CCDC91: variants seen among roughly 807,000 people sequenced by gnomAD.
CCDC91 encodes coiled-coil domain containing 91, also known as coiled-coil domain-containing protein 91.
A neutral mutation model predicts 63.2 loss-of-function variants in CCDC91; 48 were observed. That is an observed-to-expected ratio of 0.76 (90% CI 0.60 to 0.97). The LOEUF is 0.97. Among genes scored for constraint, CCDC91 ranks in the 50% least tolerant of loss-of-function variants. The pLI, the probability that CCDC91 is intolerant of heterozygous loss-of-function variation, is 0.00. For missense variants in CCDC91, 500 were observed against 494.6 expected (o/e 1.01, Z -0.10); for synonymous variants, 167 against 165.8 (o/e 1.01, Z -0.06).
At chr12:28,547,550 ATTCTAAGATCTC>A (rs1943076647) in intron 12 of CCDC91, among the ~76,000 whole-genome samples, 1 of 152,126 alleles carries the variant, frequency 6.6e-6, no homozygotes, top group Non-Finnish European at 1.5e-5. Context: ...TGGGTCTTAC[ATTCTAAGATCTC>A]TTTTGTTTAA....
At chr12:28,337,317 C>T (rs1942058082) in intron 6 of CCDC91, among the ~76,000 whole-genome samples, 1 of 152,034 alleles carries the variant, frequency 6.6e-6, no homozygotes, top group Non-Finnish European at 1.5e-5. Flanking sequence ...ATTCATACTG[C>T]TCCTATAGCA....
chr12:28,259,525 A>C, intron 3 of CCDC91, 83 bp downstream of exon 3: 1 of 840,114 alleles, frequency 1.2e-6, no homozygotes. Flanking sequence ...CCTATTTCTC[A>C]ACTTTTTTAC....
intron 11 of CCDC91, among the ~76,000 whole-genome samples, chr12:28,475,705 A>T (rs1951048287): frequency 6.6e-6 from 1 of 151,836 alleles, no homozygotes; most frequent in Non-Finnish European, 1.5e-5. Flanking sequence ...CTACCATGTT[A>T]TGATGCAGTA....
intron 12 of CCDC91, among the ~76,000 whole-genome samples, chr12:28,535,169 C>T (rs575786238): frequency 8.5e-5 from 13 of 152,132 alleles, no homozygotes; most frequent in Non-Finnish European, 1.5e-4. Flanking sequence ...TCATTTGGTA[C>T]AGCTGTCTTG....
At chr12:28,545,135 C>G (rs1231911270) in intron 12 of CCDC91, among the ~76,000 whole-genome samples, 3 of 151,764 alleles carry the variant, frequency 2.0e-5, no homozygotes, top group African/African-American at 7.3e-5. Flanking sequence ...GATTTTTAAC[C>G]CCATATCAAA....
chr12:28,345,214 T>TA (rs1300547945), intron 6 of CCDC91, among the ~76,000 whole-genome samples: 1 of 152,072 alleles, frequency 6.6e-6, no homozygotes, highest in Non-Finnish European at 1.5e-5. Context: ...ATTTTAGGTA[T>TA]ATATATACAA....
At chr12:28,471,602 G>T (rs1950816867) in intron 11 of CCDC91, among the ~76,000 whole-genome samples, 1 of 152,106 alleles carries the variant, frequency 6.6e-6, no homozygotes, top group African/African-American at 2.4e-5. Context: ...CAAGGAAGTT[G>T]TATCTCCAAG....
At chr12:28,402,514 C>T (rs1472437866) in intron 8 of CCDC91, among the ~76,000 whole-genome samples, 1 of 116,908 alleles carries the variant, frequency 8.6e-6, no homozygotes, top group Non-Finnish European at 1.7e-5. Context: ...CTTATTAGTT[C>T]CAGGAATTTT....
At chr12:28,377,833 G>A (rs2138995563) in intron 7 of CCDC91, among the ~76,000 whole-genome samples, 1 of 152,084 alleles carries the variant, frequency 6.6e-6, no homozygotes, top group East Asian at 1.9e-4. Flanking sequence ...GCTTGACTAA[G>A]TTGGTGATCT....
intron 12 of CCDC91, among the ~76,000 whole-genome samples, chr12:28,518,080 G>T (rs1286939670): frequency 2.0e-5 from 3 of 151,932 alleles, no homozygotes; most frequent in African/African-American, 7.2e-5. Flanking sequence ...ATTGTGAATT[G>T]TGCTGCTATA....
At position 28,479,140 on chromosome 12, in the gene CCDC91, G is replaced by A. The variant is rs557820203; in HGVS notation, c.1102-4912G>A. 2.0e-5 allele frequency among the ~76,000 whole-genome samples: 3 copies of A among 152,216 alleles called. No homozygotes were observed. In the South Asian group the frequency reaches 6.2e-4, roughly 32 times the overall value. On this transcript the variant is annotated intron_variant, in intron 11 of 12. Coordinates refer to ENST00000536442, the MANE Select transcript of CCDC91 (RefSeq NM_018318.5). Reference sequence around the variant, plus strand: ...ATATACCTAAAGGATTGTAAATCATGCTGCTATAAAGACACATGCACATGT... The same window carrying A: ...ATATACCTAAAGGATTGTAAATCATACTGCTATAAAGACACATGCACATGT...
intron 12 of CCDC91, among the ~76,000 whole-genome samples, chr12:28,537,406 T>G (rs948342348): frequency 1.3e-5 from 2 of 152,220 alleles, no homozygotes; most frequent in African/African-American, 4.8e-5. Context: ...AATTTCCAAC[T>G]TTTCCATAAA....
intron 12 of CCDC91, among the ~76,000 whole-genome samples, chr12:28,519,294 GTTTGTTTTGT>G (rs150466852): frequency 2.7e-5 from 4 of 150,934 alleles, no homozygotes; most frequent in African/African-American, 7.3e-5. Context: ...TAAGTTGTTT[GTTTGTTTTGT>G]TTTGTTTTGT....
intron 1 of CCDC91, among the ~76,000 whole-genome samples, chr12:28,195,621 C>T (rs1322416488): frequency 1.3e-5 from 2 of 152,100 alleles, no homozygotes; most frequent in African/African-American, 4.8e-5. Flanking sequence ...AAGCCTGAGT[C>T]CTCCAACTTT....
At chr12:28,272,853 T>C (rs1406429406) in intron 3 of CCDC91, among the ~76,000 whole-genome samples, 1 of 152,126 alleles carries the variant, frequency 6.6e-6, no homozygotes, top group Non-Finnish European at 1.5e-5. Flanking sequence ...TTTTTTTAAA[T>C]TATACTTTAA....
At chr12:28,358,243 T>G (rs1565850926) in intron 6 of CCDC91, among the ~76,000 whole-genome samples, 1 of 152,226 alleles carries the variant, frequency 6.6e-6, no homozygotes, top group Non-Finnish European at 1.5e-5. Flanking sequence ...GATTTTATTC[T>G]CATTCAGTCA....
chr12:28,254,196 G>C (rs570218090), intron 1 of CCDC91, among the ~76,000 whole-genome samples: 13 of 152,320 alleles, frequency 8.5e-5, no homozygotes, highest in African/African-American at 3.1e-4. Context: ...ATATAAAGAA[G>C]TTTGAGAATT....
chr12:28,299,536 C>G (rs1160941664), intron 3 of CCDC91, among the ~76,000 whole-genome samples: 1 of 151,500 alleles, frequency 6.6e-6, no homozygotes, highest in Non-Finnish European at 1.5e-5. Context: ...CTGTTGATTT[C>G]ATTTTTCTTT....
intron 1 of CCDC91, among the ~76,000 whole-genome samples, chr12:28,252,231 T>C (rs1946161344): frequency 6.6e-6 from 1 of 152,154 alleles, no homozygotes; most frequent in Admixed American, 6.5e-5. Context: ...TTGTCTCTAC[T>C]GTGCCTTGCT....
Sources: gnomAD v4.1 joint callset for allele counts (sites outside exome capture counted in the v4.1 genomes callset) on GRCh38, gnomAD v4.1.1 for gene constraint, MANE v1.5 for transcripts, NCBI Gene and HGNC (gene_info 2026-07-23, HGNC 2026-07-21) for gene names.